The following ARL14EPL variants were observed in gnomAD, a reference collection of about 807,000 sequenced individuals.
ARL14EPL encodes ARF like GTPase 14 effector protein like, also known as ARL14 effector protein-like.
Under a neutral mutation model 15.9 loss-of-function variants are expected in ARL14EPL, and 17 were observed. The observed-to-expected ratio is 1.07, with a 90% CI of 0.73 to 1.60. The LOEUF is 1.60. Among genes scored for constraint, ARL14EPL ranks in the 40% most tolerant of loss-of-function variants. The pLI is 0.00. For synonymous variants in ARL14EPL, 78 were observed against 63.8 expected (o/e 1.22, Z -1.06); for missense variants, 214 against 185.9 (o/e 1.15, Z -0.88).
rs1749574757 is a variant in ARL14EPL at position 116,058,639 on chromosome 5, G to A, written c.237-86G>A. 13 of 1,277,156 alleles carry A rather than the reference G, an allele frequency of 1.0e-5. No homozygotes were observed. The South Asian group carries it at 1.2e-4, about 12-fold the overall frequency. 79.1% of individuals were successfully genotyped at this position (1,277,156 alleles called of 1,614,324 possible). A position where few individuals can be genotyped will look rare whatever the true frequency, so the allele number is the denominator to read the frequency against. ...TTCTGGGTCAGGGTAAAATGGTCAT[G>A]TGTATGATGTTGATTGTACATTAAT... On this transcript the variant is annotated intron_variant, in intron 3 of 3. Transcript: ENST00000686077.
chr5:116,051,225 G>A, intron 1 of ARL14EPL: 1 of 460,388 alleles, frequency 2.2e-6, no homozygotes, highest in Non-Finnish European at 3.8e-6. Flanking sequence ...ACTGTCAAAG[G>A]TACTATTGAT....
intron 1 of ARL14EPL, among the ~76,000 whole-genome samples, chr5:116,034,867 A>G (rs1029151039): frequency 9.9e-5 from 15 of 152,238 alleles, no homozygotes; most frequent in African/African-American, 3.4e-4. Flanking sequence ...GTGAAAAAAC[A>G]AAAGAAGAAC....
At chr5:116,044,866 C>T (rs536134932) in intron 1 of ARL14EPL, among the ~76,000 whole-genome samples, 7 of 152,278 alleles carry the variant, frequency 4.6e-5, no homozygotes, top group African/African-American at 1.7e-4. Flanking sequence ...TATGGTTTCT[C>T]AGCAAAACAA....
intron 1 of ARL14EPL, among the ~76,000 whole-genome samples, chr5:116,041,366 G>C (rs1462528848): frequency 6.6e-6 from 1 of 152,290 alleles, no homozygotes; most frequent in South Asian, 2.1e-4. Context: ...AGGCATGCCA[G>C]TTCTACAAGG....
intron 2 of ARL14EPL, chr5:116,052,317 A>G: frequency 5.7e-6 from 6 of 1,058,640 alleles, no homozygotes; most frequent in South Asian, 1.3e-5. Flanking sequence ...CAGACACCGC[A>G]GCCTTGCAAA....
At chr5:116,053,659 A>G (rs1334083430) in intron 2 of ARL14EPL, among the ~76,000 whole-genome samples, 2 of 151,848 alleles carry the variant, frequency 1.3e-5, no homozygotes, top group East Asian at 1.9e-4. Flanking sequence ...AAGGGCCTCT[A>G]CTCCTTCATC....
At position 116,057,421 on chromosome 5, in the gene ARL14EPL, CA is replaced by C. The variant is rs10660667; in HGVS notation, c.237-1294del. Among the ~76,000 whole-genome samples, 1,224 of 145,954 alleles carry C rather than the reference CA, an allele frequency of 8.4e-3. 17 individuals carry two copies. Among genetic ancestry groups the C allele is most frequent in the African/African-American group, 0.03 (1,168 of 39,566 alleles). On this transcript the variant is annotated intron_variant, in intron 3 of 3. Transcript: ENST00000686077. ...TGATGTGTATAATTCAGGATTTTAC[CA>C]AAAAAAAAAGCATCAAATGGGCCGG... is the stretch of plus-strand genomic sequence containing the variant.
chr5:116,050,400 C>A (rs982207275), intron 1 of ARL14EPL, among the ~76,000 whole-genome samples: 21 of 152,194 alleles, frequency 1.4e-4, no homozygotes, highest in Admixed American at 1.3e-3. Context: ...CCAGCTGCAT[C>A]CATGTTGCTG....
At chr5:116,051,729 G>A (rs912262621) in intron 2 of ARL14EPL, among the ~76,000 whole-genome samples, 168 bp downstream of exon 2, 12 of 152,218 alleles carry the variant, frequency 7.9e-5, no homozygotes, top group Middle Eastern at 3.4e-3. Flanking sequence ...TGCTCACTGC[G>A]GGCTGCTCTC....
intron 1 of ARL14EPL, among the ~76,000 whole-genome samples, chr5:116,036,005 T>C (rs776788611): frequency 1.9e-4 from 29 of 152,216 alleles, no homozygotes; most frequent in African/African-American, 6.5e-4. Flanking sequence ...AACACCCCTG[T>C]TGGCAGAGCT....
At chr5:116,057,676 C>T (rs979571046) in intron 3 of ARL14EPL, among the ~76,000 whole-genome samples, 4 of 152,170 alleles carry the variant, frequency 2.6e-5, no homozygotes, top group Non-Finnish European at 4.4e-5. Context: ...CTTGCTAAAG[C>T]GTGATCATCA....
At chr5:116,051,813 T>C (rs1286759130) in intron 2 of ARL14EPL, 2 of 874,048 alleles carry the variant, frequency 2.3e-6, no homozygotes, top group Non-Finnish European at 3.5e-6. Flanking sequence ...AAAATTCTGC[T>C]TTTTGTGGAG....
intron 2 of ARL14EPL, chr5:116,051,939 C>G: frequency 6.2e-7 from 1 of 1,608,324 alleles, no homozygotes. Flanking sequence ...GCTGGAGCAT[C>G]TCCACCCTTG....
At chr5:116,054,191 A>C in intron 3 of ARL14EPL, 38 bp downstream of exon 3, 2 of 1,495,862 alleles carry the variant, frequency 1.3e-6, no homozygotes, top group Non-Finnish European at 1.8e-6. Context: ...CTGTGGGATT[A>C]TGAAATGCAT....
intron 1 of ARL14EPL, among the ~76,000 whole-genome samples, chr5:116,049,015 TATG>T (rs1415319439): frequency 6.6e-6 from 1 of 152,176 alleles, no homozygotes; most frequent in African/African-American, 2.4e-5. Flanking sequence ...ATTTTTGGCA[TATG>T]ATATTTTCAA....
At chr5:116,038,999 T>G (rs1489939690) in intron 1 of ARL14EPL, among the ~76,000 whole-genome samples, 1 of 152,004 alleles carries the variant, frequency 6.6e-6, no homozygotes, top group African/African-American at 2.4e-5. Flanking sequence ...TGAAGCAGAA[T>G]GAGGAAATGC....
intron 1 of ARL14EPL, among the ~76,000 whole-genome samples, chr5:116,045,357 G>C (rs1379864562): frequency 1.3e-5 from 2 of 152,194 alleles, no homozygotes; most frequent in Non-Finnish European, 2.9e-5. Context: ...CCAGGTTAAT[G>C]CTGAAAATGG....
intron 3 of ARL14EPL, 138 bp from the exon 4 acceptor site, chr5:116,058,587 T>A: frequency 1.3e-6 from 1 of 781,160 alleles, no homozygotes; most frequent in Admixed American, 2.3e-5. Context: ...TGGTCCAGAG[T>A]ACCAATGTTT....
chr5:116,044,501 G>A (rs906646603), intron 1 of ARL14EPL, among the ~76,000 whole-genome samples: 36 of 151,660 alleles, frequency 2.4e-4, no homozygotes, highest in Admixed American at 2.2e-3. Context: ...ATATGTGTGT[G>A]TATATATATA....
Sources: gnomAD v4.1 joint callset for allele counts (sites outside exome capture counted in the v4.1 genomes callset) on GRCh38, gnomAD v4.1.1 for gene constraint, MANE v1.5 for transcripts, NCBI Gene and HGNC (gene_info 2026-07-23, HGNC 2026-07-21) for gene names.